The following NEMP2 variants were observed in gnomAD, a reference collection of about 807,000 sequenced individuals.
NEMP2 encodes the protein UPF0571 transmembrane protein.
In NEMP2, 53 loss-of-function variants were observed where a neutral mutation model predicts 54.2. The ratio of observed to expected loss-of-function variants is 0.98; its 90% confidence interval spans 0.78 to 1.23. The LOEUF (loss-of-function observed/expected upper bound fraction) is 1.23, where lower values mean the gene tolerates loss of function less well. NEMP2 is among the 50% of genes most tolerant of loss of function. The pLI is 0.00. For synonymous variants in NEMP2, 197 were observed against 190.3 expected (o/e 1.04, Z -0.29); for missense variants, 455 against 511.3 (o/e 0.89, Z 1.06).
intron 1 of NEMP2, among the ~76,000 whole-genome samples, chr2:190,532,752 A>T (rs1691192712): frequency 6.6e-6 from 1 of 152,196 alleles, no homozygotes; most frequent in South Asian, 2.1e-4. Context: ...GTCCTCAAGA[A>T]ACCATAGACT....
At chr2:190,495,797 A>G in the NEMP2 span, among the ~76,000 whole-genome samples, 53 of 152,232 alleles carry the variant, frequency 3.5e-4, 1 homozygote, top group Admixed American at 1.1e-3. This position sits in a 1 kb window ranked among gnomAD's most constrained non-coding sequence, Gnocchi z 4.7. Flanking sequence ...CACATGTAGG[A>G]GAATGAAACT....
At chr2:190,642,732 TTAAG>T in the NEMP2 span, among the ~76,000 whole-genome samples, 1 of 152,144 alleles carries the variant, frequency 6.6e-6, no homozygotes, top group Non-Finnish European at 1.5e-5. The surrounding 1 kb of genome is among the most constrained non-coding windows in gnomAD (Gnocchi z 4.1). Flanking sequence ...GGAAAATTTG[TTAAG>T]TATAGAATTG....
At chr2:190,591,857 A>G in the NEMP2 span, among the ~76,000 whole-genome samples, 1 of 152,308 alleles carries the variant, frequency 6.6e-6, no homozygotes, top group Admixed American at 6.5e-5. This position sits in a 1 kb window ranked among gnomAD's most constrained non-coding sequence, Gnocchi z 5.4. Context: ...ATTTGCAGGT[A>G]TTTTACTGGA....
In NEMP2 at chr2:190,509,023, A is replaced by T; in HGVS notation, c.*166T>A. 1.9e-6 allele frequency: 2 copies of T among 1,049,996 alleles called. No individual in the cohort carries two copies. Among genetic ancestry groups the T allele is most frequent in the Non-Finnish European group, 2.7e-6 (2 of 749,786 alleles). The allele number at this position is 1,049,996 out of a possible 1,614,324, so 65.0% of individuals were successfully genotyped here. A position where few individuals can be genotyped will look rare whatever the true frequency, so the allele number is the denominator to read the frequency against. ...AGTAGCAGAAGTCACCAAGAATGCT[A>T]AGTTATCTTCAAAATGGGTTGGTTT... On this transcript the variant is annotated 3_prime_UTR_variant, in exon 9 of 9. Transcript: ENST00000409150. This position sits in a 1 kb window ranked among gnomAD's most constrained non-coding sequence, Gnocchi z 6.1.
the NEMP2 span, among the ~76,000 whole-genome samples, chr2:190,582,552 C>G: frequency 6.6e-6 from 1 of 152,170 alleles, no homozygotes; most frequent in African/African-American, 2.4e-5. The surrounding 1 kb of genome is among the most constrained non-coding windows in gnomAD (Gnocchi z 4.6). Context: ...AATCATTTAT[C>G]TCTTTTTTGC....
the NEMP2 span, among the ~76,000 whole-genome samples, chr2:190,587,944 T>C: frequency 6.6e-6 from 1 of 152,080 alleles, no homozygotes; most frequent in African/African-American, 2.4e-5. The surrounding 1 kb of genome is among the most constrained non-coding windows in gnomAD (Gnocchi z 5.4). Context: ...GAGACACACA[T>C]CTACACTGAG....
the NEMP2 span, among the ~76,000 whole-genome samples, chr2:190,554,278 A>G: frequency 6.6e-6 from 1 of 151,994 alleles, no homozygotes; most frequent in African/African-American, 2.4e-5. This position sits in a 1 kb window ranked among gnomAD's most constrained non-coding sequence, Gnocchi z 5.7. Context: ...TTCATACCTC[A>G]GTGCGCCTGG....
chr2:190,536,608 A>C (rs1691385351), upstream of NEMP2, among the ~76,000 whole-genome samples: 1 of 152,222 alleles, frequency 6.6e-6, no homozygotes. Flanking sequence ...TCCCCACTAC[A>C]AGCCAAGCAC....
chr2:190,604,746 T>A, the NEMP2 span, among the ~76,000 whole-genome samples: 1 of 152,120 alleles, frequency 6.6e-6, no homozygotes, highest in Non-Finnish European at 1.5e-5. The surrounding 1 kb of genome is among the most constrained non-coding windows in gnomAD (Gnocchi z 4.5). Context: ...ATTCATTTTT[T>A]AAAAAATGAT....
chr2:190,447,496 G>C, the NEMP2 span, among the ~76,000 whole-genome samples: 1 of 151,890 alleles, frequency 6.6e-6, no homozygotes, highest in Admixed American at 6.6e-5. The surrounding 1 kb of genome is among the most constrained non-coding windows in gnomAD (Gnocchi z 4.5). Flanking sequence ...CATATAGTCT[G>C]TGTCATAGCA....
chr2:190,548,976 T>C, the NEMP2 span, among the ~76,000 whole-genome samples: 1 of 152,258 alleles, frequency 6.6e-6, no homozygotes, highest in Non-Finnish European at 1.5e-5. Context: ...ATAGACACTA[T>C]ATTTTTGCCC....
At chr2:190,564,639 C>T in the NEMP2 span, among the ~76,000 whole-genome samples, 4 of 152,116 alleles carry the variant, frequency 2.6e-5, no homozygotes, top group South Asian at 2.1e-4. This position sits in a 1 kb window ranked among gnomAD's most constrained non-coding sequence, Gnocchi z 4.2. Flanking sequence ...AAGCTTCTCA[C>T]GTAAAAATCT....
At chr2:190,587,179 C>T in the NEMP2 span, among the ~76,000 whole-genome samples, 10 of 152,318 alleles carry the variant, frequency 6.6e-5, no homozygotes, top group African/African-American at 2.2e-4. This position sits in a 1 kb window ranked among gnomAD's most constrained non-coding sequence, Gnocchi z 5.4. Context: ...AAAGCACCAA[C>T]TTGCTCTTTC....
the NEMP2 span, chr2:190,436,305 T>C: frequency 6.2e-7 from 1 of 1,614,212 alleles, no homozygotes; most frequent in Non-Finnish European, 8.5e-7. This position sits in a 1 kb window ranked among gnomAD's most constrained non-coding sequence, Gnocchi z 5.3. Flanking sequence ...TGCCTGTGTA[T>C]TACAAACAGC....
At chr2:190,460,641 T>C in the NEMP2 span, among the ~76,000 whole-genome samples, 1 of 152,190 alleles carries the variant, frequency 6.6e-6, no homozygotes, top group South Asian at 2.1e-4. Flanking sequence ...GTAGGTGCAC[T>C]GTTACAACCA....
chr2:190,616,066 A>G, the NEMP2 span, among the ~76,000 whole-genome samples: 1 of 152,210 alleles, frequency 6.6e-6, no homozygotes, highest in Non-Finnish European at 1.5e-5. This position sits in a 1 kb window ranked among gnomAD's most constrained non-coding sequence, Gnocchi z 5.1. Flanking sequence ...TTCTGTTAAA[A>G]GTCTGCAGTT....
chr2:190,620,551 T>C, the NEMP2 span: 3 of 152,210 alleles, frequency 2.0e-5, no homozygotes, highest in African/African-American at 7.2e-5. The surrounding 1 kb of genome is among the most constrained non-coding windows in gnomAD (Gnocchi z 4.9). Context: ...CTTTCAGATC[T>C]CATTTGTTTT....
At chr2:190,555,708 G>A in the NEMP2 span, among the ~76,000 whole-genome samples, 1 of 152,176 alleles carries the variant, frequency 6.6e-6, no homozygotes, top group Non-Finnish European at 1.5e-5. This position sits in a 1 kb window ranked among gnomAD's most constrained non-coding sequence, Gnocchi z 4.8. Flanking sequence ...GTACCTGACA[G>A]TGACAGGGAG....
chr2:190,447,064 GTCTC>G, the NEMP2 span, among the ~76,000 whole-genome samples: 1 of 151,492 alleles, frequency 6.6e-6, no homozygotes, highest in Non-Finnish European at 1.5e-5. The surrounding 1 kb of genome is among the most constrained non-coding windows in gnomAD (Gnocchi z 4.5). Flanking sequence ...AAAATATGCA[GTCTC>G]TCTCTGATTC....
Sources: gnomAD v4.1 joint callset for allele counts (sites outside exome capture counted in the v4.1 genomes callset) on GRCh38, gnomAD v4.1.1 for gene constraint, Gnocchi (gnomAD v3.1) non-coding constraint, MANE v1.5 for transcripts, NCBI Gene and HGNC (gene_info 2026-07-23, HGNC 2026-07-21) for gene names.